The following ACTB variants were observed in gnomAD, a reference collection of about 807,000 sequenced individuals.
The protein encoded by ACTB is actin, cytoplasmic 1.
Under a neutral mutation model 30.5 loss-of-function variants are expected in ACTB, and 2 were observed. The ratio of observed to expected loss-of-function variants is 0.07; its 90% CI spans 0.03 to 0.21. ACTB has a LOEUF of 0.21. Among genes scored for constraint, ACTB ranks in the 10% least tolerant of loss-of-function variants. The probability of loss-of-function intolerance (pLI) is 1.00; values close to 1 mark genes in which losing one functional copy is unlikely to be tolerated. For missense variants in ACTB, 56 were observed against 530.0 expected, an observed-to-expected ratio of 0.11 and a Z score of 8.78; for synonymous variants, 335 against 217.6, an observed-to-expected ratio of 1.54 and a Z score of -4.75.
intron 3 of ACTB, 42 bp from the exon 4 acceptor site, chr7:5,528,761 TGGGGACAGCCAGGCCAGACG>T: frequency 6.2e-7 from 1 of 1,605,174 alleles, no homozygotes. Context: ...GGGAAGCCAC[TGGGGACAGCCAGGCCAGACG>T]GGGGACATGC....
intron 1 of ACTB, 59 bp from the exon 2 acceptor site, chr7:5,529,722 GC>G (rs1784843653): frequency 6.2e-7 from 1 of 1,608,248 alleles, no homozygotes; most frequent in East Asian, 2.2e-5. Context: ...GCCACTTCCG[GC>G]GCGCCGAGTC....
chr7:5,529,675 G>C lies in ACTB; in HGVS notation c.-6-12C>G, dbSNP rs1286546074. 5 of 1,610,894 alleles carry C rather than the reference G, an allele frequency of 3.1e-6. No individual in the cohort carries two copies. The highest frequency in any genetic ancestry group is 1.9e-4 in the Middle Eastern group (1 of 5,262). ...TCATCCATGGTGAGCTGCGAGAATA[G>C]CCGGGCGCGCTGTGAGCCGAGGTCG... On this transcript the variant is annotated splice_polypyrimidine_tract_variant and intron_variant, in intron 1 of 5. Transcript: ENST00000646664.
chr7:5,528,845 G>A, intron 3 of ACTB, 126 bp from the exon 4 acceptor site: 1 of 1,419,576 alleles, frequency 7.0e-7, no homozygotes, highest in Non-Finnish European at 9.9e-7. Flanking sequence ...TGGGGAGTCT[G>A]TTCAGACCTA....
At chr7:5,530,299 C>A (rs905040178) in intron 1 of ACTB, among the ~76,000 whole-genome samples, 2 of 152,074 alleles carry the variant, frequency 1.3e-5, no homozygotes, top group African/African-American at 4.8e-5. Flanking sequence ...GAGCGGCACC[C>A]CCGGAGCGCG....
chr7:5,529,398 G>A lies in ACTB; in HGVS notation c.126C>T (p.Gly42=). The A allele has an allele frequency of 6.2e-7, 1 of 1,614,014 alleles. No homozygotes were observed. Among genetic ancestry groups the A allele is most frequent in the Non-Finnish European group, 8.5e-7 (1 of 1,180,034 alleles). Residue 42 remains glycine, a splice_region_variant and synonymous_variant, in exon 3 of 6, where the codon GGC becomes GGT. Transcript: ENST00000646664. ...PSIVGRPRHQ[G]VMVGMGQKDS... is the part of the protein sequence containing the mutation. ...CCTTCTGACCCATGCCCACCATCAC[G>A]CCCTGGGAAGGAAAGGACAAGAAGC...
In ACTB at chr7:5,527,869, T is replaced by C. The variant is rs1288590221; in HGVS notation, c.1007A>G (p.Lys336Arg). Residue 336 changes from lysine to arginine, a missense_variant, in exon 6 of 6, where the codon AAG becomes AGG. This residue lies in a region of ACTB where 4 missense variants were observed against 61.9 expected (regional missense o/e 0.06). Transcript: ENST00000646664. ...KIKIIAPPER[K>R]YSVWIGGSIL... ...GGAGCCGCCGATCCACACGGAGTAC[T>C]TGCGCTCAGGAGGAGCAATGATCTG... is the stretch of plus-strand genomic sequence containing the variant. The C allele has an allele frequency of 1.2e-6, 2 of 1,613,930 alleles. No individual in the cohort carries two copies. The highest frequency in any genetic ancestry group is 1.3e-5 in the African/African-American group (1 of 74,900).
intron 3 of ACTB, 163 bp downstream of exon 3, chr7:5,528,998 C>G (rs1784824051): frequency 6.2e-7 from 1 of 1,600,144 alleles, no homozygotes; most frequent in Non-Finnish European, 8.5e-7. Flanking sequence ...AAGAGCTCAT[C>G]TGGGAAAAAG....
intron 3 of ACTB, 90 bp downstream of exon 3, chr7:5,529,071 G>A (rs1784826100): frequency 3.7e-6 from 6 of 1,613,138 alleles, no homozygotes; most frequent in African/African-American, 1.3e-5. Context: ...TACGGAAAAC[G>A]GCAGAAGAGA....
chr7:5,529,039 C>T (rs1321910122), intron 3 of ACTB, 122 bp downstream of exon 3: 2 of 1,612,548 alleles, frequency 1.2e-6, no homozygotes, highest in East Asian at 2.2e-5. Context: ...CCAAAGGAGA[C>T]TCAGGTCAGA....
In ACTB at chr7:5,529,862, CCCCAACCCCCT is replaced by C. The variant is rs1364207669; in HGVS notation, c.-6-210_-6-200del. 5 of 895,794 alleles carry C rather than the reference CCCCAACCCCCT, an allele frequency of 5.6e-6. No homozygotes were observed. In the East Asian group the frequency reaches 8.7e-5, roughly 16 times the overall value. The allele number at this position is 895,794 out of a possible 1,614,324, so 55.5% of individuals were successfully genotyped here. On this transcript the variant is annotated intron_variant, in intron 1 of 5. Transcript: ENST00000646664. ...CCGCGGCGCGCGGCAGGAAGCCAGGCCCCAACCCCCTCCCAACCGGGCGCCAGCCCCGCCTC... is the reference window on the plus strand; with the variant it reads ...CCGCGGCGCGCGGCAGGAAGCCAGGCCCCAACCGGGCGCCAGCCCCGCCTC...
At chr7:5,529,685 CTG>C in intron 1 of ACTB, 22 bp from the exon 2 acceptor site, 1 of 1,611,212 alleles carries the variant, frequency 6.2e-7, no homozygotes, top group Non-Finnish European at 8.5e-7. Flanking sequence ...GCCGGGCGCG[CTG>C]TGAGCCGAGG....
chr7:5,530,245 G>C (rs547137158), intron 1 of ACTB, among the ~76,000 whole-genome samples: 1 of 151,952 alleles, frequency 6.6e-6, no homozygotes, highest in Non-Finnish European at 1.5e-5. Context: ...CCATTGGCAA[G>C]AGCCCGGCTC....
At chr7:5,529,075 G>A (rs755998236) in intron 3 of ACTB, 86 bp downstream of exon 3, 38 of 1,613,232 alleles carry the variant, frequency 2.4e-5, no homozygotes, top group Admixed American at 1.0e-4. Context: ...GAAAACGGCA[G>A]AAGAGAGAAC....
chr7:5,530,282 G>T (rs1010803453), intron 1 of ACTB, among the ~76,000 whole-genome samples: 1 of 152,002 alleles, frequency 6.6e-6, no homozygotes, highest in African/African-American at 2.4e-5. Flanking sequence ...GGTTGCCCCC[G>T]CCCCGAGAGC....
Position 5,528,821 on chromosome 7 carries a change from C to T in ACTB, c.364-102G>A, listed in dbSNP as rs1399950159. ...AGTGCAAAGAACACGGCTAAGTGTG[C>T]TGGGGTCTTGGGATGGGGAGTCTGT... On this transcript the variant is annotated intron_variant, in intron 3 of 5. Transcript: ENST00000646664. The T allele has an allele frequency of 2.7e-6, 4 of 1,491,406 alleles. No individual in the cohort carries two copies. In the Admixed American group the frequency reaches 5.0e-5, roughly 19 times the overall value. The allele number at this position is 1,491,406 out of a possible 1,614,324, so 92.4% of individuals were successfully genotyped here.
rs13447406 is a variant in ACTB, at chr7:5,528,088, A to T, written c.900T>A (p.Ser300=). The T allele has an allele frequency of 6.2e-7, 1 of 1,614,254 alleles. No individual in the cohort carries two copies. Among genetic ancestry groups the T allele is most frequent in the South Asian group, 1.1e-5 (1 of 91,088 alleles). The change falls in exon 5 of 6, where the codon TCT becomes TCA. Residue 300 remains serine (S), a synonymous_variant. Coordinates refer to ENST00000646664, the MANE Select transcript of ACTB (RefSeq NM_001101.5). The stretch of plus-strand genomic sequence containing the variant: ...TGCCAGGGTACATGGTGGTGCCGCC[A>T]GACAGCACTGTGTTGGCGTACAGGT... The part of the protein sequence containing the change: ...RKDLYANTVL[S]GGTTMYPGIA...
chr7:5,529,843 C>A, intron 1 of ACTB, 180 bp from the exon 2 acceptor site: 1 of 1,068,112 alleles, frequency 9.4e-7, no homozygotes. Context: ...GTCCCCGCGG[C>A]GCGCGGCAGG....
chr7:5,530,297 C>T (rs1458837809), intron 1 of ACTB, among the ~76,000 whole-genome samples: 2 of 152,034 alleles, frequency 1.3e-5, no homozygotes, highest in African/African-American at 4.8e-5. Context: ...GAGAGCGGCA[C>T]CCCCGGAGCG....
chr7:5,529,522 C>A lies in ACTB; in HGVS notation c.123+13G>T. On this transcript the variant is annotated intron_variant, in intron 2 of 5. Transcript: ENST00000646664. ...CCGCTCCCGGGGCTGCCCCACCCAG[C>A]CAGCTCCCCTACCTGGTGCCTGGGG... The A allele has an allele frequency of 6.2e-7, 1 of 1,611,762 alleles. No individual in the cohort carries two copies.
Sources: allele counts gnomAD v4.1 joint callset (sites outside exome capture counted in the v4.1 genomes callset), GRCh38; gene constraint gnomAD v4.1.1; regional missense constraint gnomAD v4.1.1; transcripts MANE v1.5; gene names NCBI Gene and HGNC (gene_info 2026-07-23, HGNC 2026-07-21).